MACROD2: variants seen among roughly 807,000 people sequenced by gnomAD.
MACROD2 encodes the protein ADP-ribose glycohydrolase MACROD2.
A neutral mutation model predicts 70.4 loss-of-function variants in MACROD2; 36 were observed. The ratio of observed to expected loss-of-function variants is 0.51; its 90% CI spans 0.39 to 0.68. The LOEUF is 0.68. MACROD2 is among the 30% of genes least tolerant of loss of function. The pLI is 0.00. For missense variants in MACROD2, 496 were observed against 538.4 expected, an observed-to-expected ratio of 0.92 and a Z score of 0.78; for synonymous variants, 172 against 178.8, an observed-to-expected ratio of 0.96 and a Z score of 0.30.
At chr20:14,452,538 A>G (rs983938782) in intron 3 of MACROD2, among the ~76,000 whole-genome samples, 2 of 152,156 alleles carry the variant, frequency 1.3e-5, no homozygotes, top group African/African-American at 4.8e-5. Context: ...TTACCAACTT[A>G]AGAAGAAGCT....
At chr20:14,138,035 A>C (rs1428835449) in intron 3 of MACROD2, among the ~76,000 whole-genome samples, 1 of 152,222 alleles carries the variant, frequency 6.6e-6, no homozygotes, top group Non-Finnish European at 1.5e-5. Flanking sequence ...GGAAATGCAA[A>C]TCAAAACCAC....
At chr20:15,449,355 A>G (rs1249816554) in intron 7 of MACROD2, among the ~76,000 whole-genome samples, 1 of 152,144 alleles carries the variant, frequency 6.6e-6, no homozygotes, top group Non-Finnish European at 1.5e-5. Context: ...ACTGACGTTA[A>G]CAAGGATAAC....
intron 3 of MACROD2, chr20:14,337,307 T>C: frequency 3.3e-6 from 1 of 304,468 alleles, no homozygotes; most frequent in Non-Finnish European, 6.0e-6. Context: ...AACGTTCCTA[T>C]TTGGATTTCT....
At chr20:15,257,466 A>G (rs554704893) in intron 6 of MACROD2, among the ~76,000 whole-genome samples, 5 of 152,082 alleles carry the variant, frequency 3.3e-5, no homozygotes, top group Non-Finnish European at 7.4e-5. Context: ...GGATTGTAAA[A>G]ATGTCACAGT....
intron 3 of MACROD2, among the ~76,000 whole-genome samples, chr20:14,349,452 G>A (rs1387599158): frequency 6.7e-6 from 1 of 149,774 alleles, no homozygotes; most frequent in Non-Finnish European, 1.5e-5. Flanking sequence ...ACCCTGTTAT[G>A]CTATCAAATA....
intron 3 of MACROD2, among the ~76,000 whole-genome samples, chr20:14,229,575 G>A (rs1169128311): frequency 1.3e-5 from 2 of 152,174 alleles, no homozygotes; most frequent in African/African-American, 4.8e-5. Flanking sequence ...TGACAAGGAC[G>A]TGGAACAACA....
intron 5 of MACROD2, among the ~76,000 whole-genome samples, chr20:14,755,643 A>C (rs2071931061): frequency 6.6e-6 from 1 of 152,104 alleles, no homozygotes; most frequent in African/African-American, 2.4e-5. Context: ...TGTCAAATGA[A>C]CATTATTGCT....
intron 3 of MACROD2, among the ~76,000 whole-genome samples, chr20:14,450,401 T>C (rs2084232268): frequency 6.6e-6 from 1 of 152,082 alleles, no homozygotes; most frequent in Non-Finnish European, 1.5e-5. Context: ...AAATAATGTG[T>C]TCATATTAAT....
At chr20:14,037,883 T>C (rs930946826) in intron 2 of MACROD2, among the ~76,000 whole-genome samples, 1 of 149,742 alleles carries the variant, frequency 6.7e-6, no homozygotes, top group Non-Finnish European at 1.5e-5. Flanking sequence ...AGCATGGTGG[T>C]GCGAGCCTGT....
chr20:15,570,875 C>T (rs2146625834), intron 8 of MACROD2, among the ~76,000 whole-genome samples: 1 of 151,662 alleles, frequency 6.6e-6, no homozygotes, highest in African/African-American at 2.4e-5. Context: ...TTGCCAGATC[C>T]ACAGACAAAA....
Position 15,134,042 on chromosome 20 carries a change from G to A in MACROD2, c.419-95898G>A, listed in dbSNP as rs538218519. Among the ~76,000 whole-genome samples, 250 of 149,754 alleles carry A rather than the reference G, an allele frequency of 1.7e-3. 1 individual carries two copies. Among genetic ancestry groups the A allele is most frequent in the Middle Eastern group, 3.5e-3 (1 of 284 alleles). On this transcript the variant is annotated intron_variant, in intron 5 of 17. Transcript: ENST00000684519. ...CTGCCTCAGCCTCCCGCGTAGCTGGGAATACAGGTGCCCGCCACCTCACCT... is the reference window on the plus strand; with the variant it reads ...CTGCCTCAGCCTCCCGCGTAGCTGGAAATACAGGTGCCCGCCACCTCACCT...
At chr20:15,421,703 A>G (rs2046230965) in intron 6 of MACROD2, among the ~76,000 whole-genome samples, 1 of 152,186 alleles carries the variant, frequency 6.6e-6, no homozygotes, top group Non-Finnish European at 1.5e-5. Flanking sequence ...CACACAACAG[A>G]TATTTATTGA....
intron 8 of MACROD2, among the ~76,000 whole-genome samples, chr20:15,854,631 T>C (rs175803): frequency 0.13 from 20,233 of 152,206 alleles, 1,652 homozygotes; most frequent in South Asian, 0.27. Flanking sequence ...TGATTTGTCA[T>C]GTGGCAGCAG....
intron 4 of MACROD2, among the ~76,000 whole-genome samples, chr20:14,524,059 T>C (rs956560156): frequency 6.6e-6 from 1 of 152,190 alleles, no homozygotes; most frequent in Non-Finnish European, 1.5e-5. Context: ...TAGAATGTGC[T>C]TATAGGTTAT....
At chr20:15,299,174 T>G (rs563649157) in intron 6 of MACROD2, among the ~76,000 whole-genome samples, 8 of 152,038 alleles carry the variant, frequency 5.3e-5, no homozygotes, top group Admixed American at 2.0e-4. Flanking sequence ...AATGTGTGGG[T>G]GTGTGTGTGT....
At chr20:14,786,736 T>C (rs187115418) in intron 5 of MACROD2, among the ~76,000 whole-genome samples, 7 of 152,178 alleles carry the variant, frequency 4.6e-5, no homozygotes, top group Admixed American at 2.6e-4. Flanking sequence ...CAGTCTTTTG[T>C]TGAGATGATC....
At chr20:15,444,060 A>G (rs1423981195) in intron 7 of MACROD2, among the ~76,000 whole-genome samples, 1 of 152,170 alleles carries the variant, frequency 6.6e-6, no homozygotes, top group African/African-American at 2.4e-5. Flanking sequence ...ATCCCACATT[A>G]GCTGTCACTC....
chr20:14,227,635 A>G (rs528294069), intron 3 of MACROD2, among the ~76,000 whole-genome samples: 1 of 152,304 alleles, frequency 6.6e-6, no homozygotes, highest in East Asian at 1.9e-4. Context: ...GAACTGTAAC[A>G]CCGCGAGGGT....
At chr20:14,895,820 A>G (rs2073821612) in intron 5 of MACROD2, among the ~76,000 whole-genome samples, 1 of 152,210 alleles carries the variant, frequency 6.6e-6, no homozygotes, top group South Asian at 2.1e-4. Flanking sequence ...TTATAATTAA[A>G]TTTTTAGATA....
Sources: allele counts gnomAD v4.1 joint callset (sites outside exome capture counted in the v4.1 genomes callset), GRCh38; gene constraint gnomAD v4.1.1; transcripts MANE v1.5; gene names NCBI Gene and HGNC (gene_info 2026-07-23, HGNC 2026-07-21).